Variants in TENM3 observed in about 807,000 individuals in gnomAD.
TENM3 encodes teneurin transmembrane protein 3.
In TENM3, 63 loss-of-function variants were observed where a neutral mutation model predicts 255.1. The ratio of observed to expected loss-of-function variants is 0.25; its 90% confidence interval spans 0.20 to 0.30. The LOEUF is 0.30. Ranked by LOEUF, TENM3 falls within the 10% of genes least tolerant of loss-of-function variation. The probability of loss-of-function intolerance (pLI) is 1.00; values close to 1 mark genes in which losing one functional copy is unlikely to be tolerated. For missense variants in TENM3, 2,929 were observed against 3,461.1 expected (o/e 0.85, Z 3.86); for synonymous variants, 1,306 against 1,322.3 (o/e 0.99, Z 0.27).
At chr4:182,768,711 A>C (rs1376999631) in intron 22 of TENM3, among the ~76,000 whole-genome samples, 2 of 152,206 alleles carry the variant, frequency 1.3e-5, no homozygotes, top group Non-Finnish European at 2.9e-5. Flanking sequence ...AAGAGATTTA[A>C]AAATATACCA....
intron 13 of TENM3, among the ~76,000 whole-genome samples, chr4:182,727,555 A>T (rs1243164412): frequency 5.9e-5 from 9 of 152,104 alleles, no homozygotes; most frequent in Admixed American, 5.9e-4. Context: ...ACACTCAACC[A>T]CTAATGGATG....
the TENM3 span, among the ~76,000 whole-genome samples, chr4:181,800,272 C>T: frequency 1.6e-4 from 25 of 152,162 alleles, no homozygotes; most frequent in African/African-American, 5.8e-4. Context: ...AAAACTATTC[C>T]GAAAACAATT....
intron 3 of TENM3, among the ~76,000 whole-genome samples, chr4:182,527,489 GT>G (rs965619991): frequency 1.1e-5 from 1 of 87,296 alleles, no homozygotes; most frequent in Non-Finnish European, 3.3e-5. Flanking sequence ...TTATCTGTTG[GT>G]TTAAAAAAAA....
the TENM3 span, among the ~76,000 whole-genome samples, chr4:181,629,376 G>T: frequency 6.6e-6 from 1 of 152,164 alleles, no homozygotes; most frequent in Non-Finnish European, 1.5e-5. Flanking sequence ...ACACTGTGTT[G>T]AATAGGAGTG....
At chr4:182,255,033 T>C (rs1358427194) in intron 1 of TENM3, among the ~76,000 whole-genome samples, 2 of 152,206 alleles carry the variant, frequency 1.3e-5, no homozygotes, top group Non-Finnish European at 2.9e-5. Flanking sequence ...AACGAAAGAC[T>C]GGTACTTTCG....
At chr4:182,620,016 C>G (rs1581122251) in intron 4 of TENM3, among the ~76,000 whole-genome samples, 1 of 152,140 alleles carries the variant, frequency 6.6e-6, no homozygotes, top group Non-Finnish European at 1.5e-5. Context: ...AAATTTCTGC[C>G]TTTATTCTAC....
intron 1 of TENM3, among the ~76,000 whole-genome samples, chr4:182,167,351 A>G (rs548565246): frequency 6.6e-6 from 1 of 152,352 alleles, no homozygotes; most frequent in South Asian, 2.1e-4. Flanking sequence ...ATTTTACATA[A>G]TTAGTAGAAA....
At chr4:181,578,106 C>T in the TENM3 span, among the ~76,000 whole-genome samples, 2 of 152,196 alleles carry the variant, frequency 1.3e-5, no homozygotes, top group Non-Finnish European at 2.9e-5. Context: ...GGATCAGGCC[C>T]ATGAACCAGA....
chr4:182,775,531 G>A (rs978930666), intron 24 of TENM3, among the ~76,000 whole-genome samples: 4 of 152,094 alleles, frequency 2.6e-5, no homozygotes, highest in Admixed American at 6.6e-5. Flanking sequence ...AGACACTGCC[G>A]CCACCTGCAT....
intron 1 of TENM3, among the ~76,000 whole-genome samples, chr4:182,172,067 C>T (rs1277446192): frequency 4.0e-5 from 6 of 150,854 alleles, no homozygotes; most frequent in East Asian, 1.9e-4. Context: ...AAATATTAAC[C>T]GAGACATCTA....
chr4:182,073,967 TG>T, the TENM3 span, among the ~76,000 whole-genome samples: 2 of 152,208 alleles, frequency 1.3e-5, no homozygotes, highest in Non-Finnish European at 2.9e-5. Context: ...GTTAAGTTTG[TG>T]GCTGGCCTTT....
the TENM3 span, among the ~76,000 whole-genome samples, chr4:181,710,316 G>C: frequency 1.1e-3 from 160 of 152,244 alleles, 3 homozygotes; most frequent in East Asian, 0.03. Context: ...GCATTTCAAA[G>C]GAGAGAGTGG....
intron 1 of TENM3, among the ~76,000 whole-genome samples, chr4:182,306,493 G>T (rs542268376): frequency 6.6e-6 from 1 of 152,094 alleles, no homozygotes; most frequent in East Asian, 1.9e-4. Flanking sequence ...GAATCTTTGA[G>T]TTACCTGGAT....
the TENM3 span, among the ~76,000 whole-genome samples, chr4:181,655,355 G>A: frequency 1.3e-5 from 2 of 152,112 alleles, no homozygotes; most frequent in Admixed American, 6.5e-5. Flanking sequence ...GAAAAGAGTC[G>A]GAGGCTAAGG....
chr4:181,484,031 C>T, the TENM3 span, among the ~76,000 whole-genome samples: 3 of 152,076 alleles, frequency 2.0e-5, no homozygotes, highest in Non-Finnish European at 4.4e-5. Flanking sequence ...TGAGTGTCTG[C>T]ACATTTGATT....
the TENM3 span, among the ~76,000 whole-genome samples, chr4:182,001,785 A>G: frequency 6.6e-6 from 1 of 152,260 alleles, no homozygotes; most frequent in South Asian, 2.1e-4. Flanking sequence ...GCAACACATA[A>G]AAAGAGAAAA....
chr4:181,597,684 C>CA, the TENM3 span, among the ~76,000 whole-genome samples: 1 of 152,134 alleles, frequency 6.6e-6, no homozygotes, highest in African/African-American at 2.4e-5. Context: ...CTCAATAAAT[C>CA]AGAGTTCCCG....
intron 7 of TENM3, among the ~76,000 whole-genome samples, chr4:182,675,784 G>A (rs1407029647): frequency 6.6e-6 from 1 of 152,164 alleles, no homozygotes; most frequent in Admixed American, 6.5e-5. Context: ...CTATTGTGTT[G>A]TGTACTTGAA....
chr4:181,626,430 T>G, the TENM3 span, among the ~76,000 whole-genome samples: 44 of 152,268 alleles, frequency 2.9e-4, no homozygotes, highest in African/African-American at 9.6e-4. Flanking sequence ...GAAAAGAGGT[T>G]GCATTGGCTC....
Sources: gnomAD v4.1 joint callset for allele counts (sites outside exome capture counted in the v4.1 genomes callset) on GRCh38, gnomAD v4.1.1 for gene constraint, MANE v1.5 for transcripts, NCBI Gene and HGNC (gene_info 2026-07-23, HGNC 2026-07-21) for gene names.